CCDC179: variants seen among roughly 807,000 people sequenced by gnomAD.
CCDC179 encodes coiled-coil domain-containing protein 179.
Under a neutral mutation model 12.0 loss-of-function variants are expected in CCDC179, and 17 were observed. The ratio of observed to expected loss-of-function variants is 1.42; its 90% CI spans 0.97 to 2.13. The LOEUF is 2.13. CCDC179 is among the 30% of genes most tolerant of loss of function. The pLI is 0.00. For synonymous variants in CCDC179, 27 were observed against 26.4 expected, an observed-to-expected ratio of 1.02 and a Z score of -0.07; for missense variants, 83 against 78.6, an observed-to-expected ratio of 1.06 and a Z score of -0.21.
intron 2 of CCDC179, among the ~76,000 whole-genome samples, chr11:22,859,125 A>T (rs1858604827): frequency 6.6e-6 from 1 of 152,148 alleles, no homozygotes; most frequent in South Asian, 2.1e-4. Flanking sequence ...CTTAGGAGGT[A>T]GAATAGAAAA....
At chr11:22,859,096 G>C (rs965561601) in intron 2 of CCDC179, among the ~76,000 whole-genome samples, 1 of 152,008 alleles carries the variant, frequency 6.6e-6, no homozygotes, top group Admixed American at 6.6e-5. Context: ...TCAAGATGGA[G>C]GTCACCTCTG....
At chr11:22,847,712 A>G (rs975687347) in intron 3 of CCDC179, among the ~76,000 whole-genome samples, 191 bp from the exon 4 acceptor site, 1 of 152,170 alleles carries the variant, frequency 6.6e-6, no homozygotes, top group Non-Finnish European at 1.5e-5. Context: ...ATTCAGATAG[A>G]AGCCAGATAC....
chr11:22,858,385 C>G (rs1277454699), intron 2 of CCDC179, among the ~76,000 whole-genome samples: 1 of 151,912 alleles, frequency 6.6e-6, no homozygotes, highest in East Asian at 1.9e-4. Context: ...AATATGAAAA[C>G]AATTATTCAC....
chr11:22,858,253 A>C (rs958050183), intron 2 of CCDC179: 1 of 321,316 alleles, frequency 3.1e-6, no homozygotes, highest in Non-Finnish European at 5.7e-6. Flanking sequence ...AAATAAGACT[A>C]TTCTTGATTC....
At chr11:22,859,770 A>T (rs933758735) in intron 1 of CCDC179, among the ~76,000 whole-genome samples, 1 of 152,150 alleles carries the variant, frequency 6.6e-6, no homozygotes, top group Non-Finnish European at 1.5e-5. Context: ...GAGTATAGAG[A>T]TATATTCGGG....
At chr11:22,858,113 A>G (rs573825233) in intron 2 of CCDC179, 87 bp from the exon 3 acceptor site, 3 of 796,212 alleles carry the variant, frequency 3.8e-6, no homozygotes, top group South Asian at 2.3e-5. Flanking sequence ...GTTTGTGTCA[A>G]TAAAAAAGGT....
intron 3 of CCDC179, among the ~76,000 whole-genome samples, chr11:22,849,769 A>G (rs542414135): frequency 2.6e-4 from 40 of 152,246 alleles, no homozygotes; most frequent in African/African-American, 8.2e-4. Context: ...AGGCAGCTAC[A>G]TTGTCTGGGG....
At chr11:22,848,301 A>G (rs546469599) in intron 3 of CCDC179, among the ~76,000 whole-genome samples, 1 of 152,218 alleles carries the variant, frequency 6.6e-6, no homozygotes, top group Non-Finnish European at 1.5e-5. Context: ...AAAATTAGCT[A>G]GGCGTGGTGG....
intron 3 of CCDC179, among the ~76,000 whole-genome samples, chr11:22,849,877 A>C (rs529102658): frequency 1.3e-5 from 2 of 152,146 alleles, no homozygotes; most frequent in Non-Finnish European, 2.9e-5. Context: ...GAAGAAAGAG[A>C]CTGGAAAACA....
At chr11:22,856,216 G>T (rs1858526458) in intron 3 of CCDC179, among the ~76,000 whole-genome samples, 1 of 151,386 alleles carries the variant, frequency 6.6e-6, no homozygotes, top group South Asian at 2.1e-4. Flanking sequence ...GATATTAAAA[G>T]ACAGGAAAAT....
chr11:22,858,782 T>C (rs1198627259), intron 2 of CCDC179, among the ~76,000 whole-genome samples: 1 of 152,068 alleles, frequency 6.6e-6, no homozygotes, highest in Non-Finnish European at 1.5e-5. Context: ...ATGTTTGCAA[T>C]AGTACTATTC....
chr11:22,852,424 A>G (rs1342042855), intron 3 of CCDC179, among the ~76,000 whole-genome samples: 1 of 152,336 alleles, frequency 6.6e-6, no homozygotes, highest in Non-Finnish European at 1.5e-5. Context: ...GGCATAGTCA[A>G]GTGATTACCA....
At chr11:22,851,098 G>A (rs2134832664) in intron 3 of CCDC179, among the ~76,000 whole-genome samples, 1 of 147,590 alleles carries the variant, frequency 6.8e-6, no homozygotes, top group South Asian at 2.2e-4. Flanking sequence ...CCATTCTCCT[G>A]TGCATAGGCA....
At chr11:22,857,833 A>T in intron 3 of CCDC179, 89 bp downstream of exon 3, 1 of 627,828 alleles carries the variant, frequency 1.6e-6, no homozygotes, top group Non-Finnish European at 2.4e-6. Flanking sequence ...AGGGAAAAAG[A>T]AAATTTATAG....
At chr11:22,859,641 CAAAAA>C in intron 1 of CCDC179, 145 bp from the exon 2 acceptor site, 1 of 447,632 alleles carries the variant, frequency 2.2e-6, no homozygotes, top group South Asian at 8.8e-5. Context: ...GTTAAAAAAA[CAAAAA>C]GAAAAAAGTC....
chr11:22,854,082 G>T (rs1295054971), intron 3 of CCDC179, among the ~76,000 whole-genome samples: 1 of 151,768 alleles, frequency 6.6e-6, no homozygotes, highest in Non-Finnish European at 1.5e-5. Flanking sequence ...CAGAAACCTA[G>T]GATTCTGTAT....
intron 2 of CCDC179, among the ~76,000 whole-genome samples, chr11:22,858,706 C>G (rs191806674): frequency 2.6e-5 from 4 of 152,114 alleles, no homozygotes; most frequent in Admixed American, 1.3e-4. Context: ...ATGATTCAAC[C>G]ATTACACTCC....
rs976794521 is a variant in CCDC179 at position 22,855,066 on chromosome 11, C to G, written c.195+2856G>C. On this transcript the variant is annotated intron_variant, in intron 3 of 3. Coordinates refer to ENST00000532798, the MANE Select transcript of CCDC179 (RefSeq NM_001195637.2). ...AACGTCAAAATATGTGAGGCAAAAA[C>G]TGATAAAAGTGCAAGAAGAAATAGA... 2.0e-5 allele frequency among the ~76,000 whole-genome samples: 3 copies of G among 151,568 alleles called. No individual in the cohort carries two copies. The South Asian group carries it at 6.2e-4, about 31-fold the overall frequency.
At chr11:22,848,823 A>G (rs551051774) in intron 3 of CCDC179, among the ~76,000 whole-genome samples, 76 of 152,336 alleles carry the variant, frequency 5.0e-4, no homozygotes, top group Middle Eastern at 3.4e-3. Flanking sequence ...TGTCATATTC[A>G]TTATCACTTT....
Sources: allele counts gnomAD v4.1 joint callset (sites outside exome capture counted in the v4.1 genomes callset), GRCh38; gene constraint gnomAD v4.1.1; transcripts MANE v1.5; gene names NCBI Gene and HGNC (gene_info 2026-07-23, HGNC 2026-07-21).